The following SPATA21 variants were observed in gnomAD, a reference collection of about 807,000 sequenced individuals.
SPATA21 encodes the protein spermatogenesis associated 21.
In SPATA21, 47 loss-of-function variants were observed where a neutral mutation model predicts 54.8. That is an observed-to-expected ratio of 0.86 (90% CI 0.68 to 1.09). SPATA21 has a LOEUF of 1.09. Ranked by LOEUF, SPATA21 falls within the 50% of genes least tolerant of loss-of-function variation. The pLI is 0.00. For synonymous variants in SPATA21, 245 were observed against 235.3 expected, an observed-to-expected ratio of 1.04 and a Z score of -0.38; for missense variants, 599 against 596.4, an observed-to-expected ratio of 1.00 and a Z score of -0.05.
At chr1:16,422,170 T>TG in intron 3 of SPATA21, 199 bp from the exon 4 acceptor site, 1 of 1,443,282 alleles carries the variant, frequency 6.9e-7, no homozygotes, top group Non-Finnish European at 9.1e-7. Context: ...GCCTGGTGAC[T>TG]GGGGGTGGAT....
chr1:16,413,378 A>C (rs1345225221), intron 5 of SPATA21, among the ~76,000 whole-genome samples: 3 of 152,242 alleles, frequency 2.0e-5, no homozygotes, highest in African/African-American at 2.4e-5. Flanking sequence ...ATAATAGTCT[A>C]TTGTACGTAC....
At chr1:16,408,957 C>T (rs2085738790) in intron 7 of SPATA21, among the ~76,000 whole-genome samples, 161 bp downstream of exon 7, 1 of 152,050 alleles carries the variant, frequency 6.6e-6, no homozygotes, top group African/African-American at 2.4e-5. Flanking sequence ...CCCTACCCTG[C>T]CCTGCCCCAT....
Position 16,409,494 on chromosome 1 carries a change from G to A in SPATA21, c.587+107C>T. ...ACATGAGGAGAAATGGAGAGAGGGG[G>A]ACACACGAGGGAACAGGCAGGTGCA... On this transcript the variant is annotated intron_variant, in intron 6 of 12. Transcript: ENST00000335496. The surrounding 1 kb of genome is among the most constrained non-coding windows in gnomAD (Gnocchi z 4.1). 1 of 1,168,126 alleles carries A rather than the reference G, an allele frequency of 8.6e-7. No individual in the cohort carries two copies. The highest frequency in any genetic ancestry group is 1.5e-5 in the South Asian group (1 of 66,796). 72.4% of individuals were successfully genotyped at this position (1,168,126 alleles called of 1,614,324 possible).
At chr1:16,427,578 A>G (rs981099584) in intron 3 of SPATA21, among the ~76,000 whole-genome samples, 2 of 152,034 alleles carry the variant, frequency 1.3e-5, no homozygotes, top group African/African-American at 4.8e-5. Context: ...AACATTTACT[A>G]TGTGTCAGGC....
intron 5 of SPATA21, among the ~76,000 whole-genome samples, chr1:16,417,548 C>T (rs1486357033): frequency 6.6e-6 from 1 of 151,710 alleles, no homozygotes; most frequent in African/African-American, 2.4e-5. Flanking sequence ...AAGCGATTCT[C>T]TCTTGAATAG....
At chr1:16,396,111 G>A (rs915237840), downstream of SPATA21, 7 of 152,660 alleles carry the variant, frequency 4.6e-5, no homozygotes, top group African/African-American at 1.4e-4. Context: ...TAGAAGTGAC[G>A]GAGAGAAGAC....
At chr1:16,430,155 C>T (rs950223740) in intron 3 of SPATA21, among the ~76,000 whole-genome samples, 6 of 144,626 alleles carry the variant, frequency 4.1e-5, no homozygotes, top group South Asian at 4.4e-4. Flanking sequence ...ATGCCGGACA[C>T]GGAGGCTTAT....
At chr1:16,420,442 G>A (rs1004012987) in intron 5 of SPATA21, among the ~76,000 whole-genome samples, 3 of 151,658 alleles carry the variant, frequency 2.0e-5, no homozygotes, top group East Asian at 3.9e-4. Flanking sequence ...GCTTGAACCC[G>A]GGAGGTGGAG....
rs1412195673 is a variant in SPATA21, at chr1:16,400,668, A to G, written c.1174+52T>C. ...TCCAAGGAAAGGAGACCAGATGGGC[A>G]AGAGAGCAAAGCCCCAACCCTAGCC... is the stretch of plus-strand genomic sequence containing the variant. On this transcript the variant is annotated intron_variant, in intron 11 of 12. Coordinates refer to ENST00000335496, the MANE Select transcript of SPATA21 (RefSeq NM_198546.1). 1.0e-5 allele frequency: 16 copies of G among 1,547,614 alleles called. 1 individual carries two copies. In the South Asian group the frequency reaches 1.7e-4, roughly 17 times the overall value.
intron 3 of SPATA21, among the ~76,000 whole-genome samples, chr1:16,424,696 G>A (rs1183083359): frequency 6.6e-6 from 1 of 151,960 alleles, no homozygotes. Context: ...TTACAAGCAC[G>A]AGCCACGGCG....
At chr1:16,434,696 G>T (rs1030613569) in intron 1 of SPATA21, among the ~76,000 whole-genome samples, 26 of 152,072 alleles carry the variant, frequency 1.7e-4, no homozygotes, top group Non-Finnish European at 3.5e-4. Context: ...TATGTATATA[G>T]GAACGGAATT....
At chr1:16,427,825 C>G (rs2086360901) in intron 3 of SPATA21, 12 of 1,515,126 alleles carry the variant, frequency 7.9e-6, no homozygotes, top group Non-Finnish European at 1.1e-5. Context: ...ACAGGGGGTT[C>G]TCTCTTGGAC....
chr1:16,428,011 A>G lies in SPATA21; in HGVS notation c.34+3327T>C. ...GCCCACTTCCGAAGCATCCGGAAACATGACCTGGACAGAGATATCCATGGC... is the reference window on the plus strand; with the variant it reads ...GCCCACTTCCGAAGCATCCGGAAACGTGACCTGGACAGAGATATCCATGGC... On this transcript the variant is annotated intron_variant, in intron 3 of 12. Transcript: ENST00000335496. The surrounding 1 kb of genome is among the most constrained non-coding windows in gnomAD (Gnocchi z 4.3). 8 of 1,548,626 alleles carry G rather than the reference A, an allele frequency of 5.2e-6. No individual in the cohort carries two copies. Among genetic ancestry groups the G allele is most frequent in the Non-Finnish European group, 7.0e-6 (8 of 1,145,560 alleles).
chr1:16,401,599 T>C (rs1289269470), intron 10 of SPATA21, among the ~76,000 whole-genome samples: 1 of 152,242 alleles, frequency 6.6e-6, no homozygotes, highest in South Asian at 2.1e-4. Context: ...TTACCTATGA[T>C]TACCTATGAT....
At chr1:16,436,947 G>T (rs1034603768) in intron 1 of SPATA21, among the ~76,000 whole-genome samples, 181 bp downstream of exon 1, 1 of 152,094 alleles carries the variant, frequency 6.6e-6, no homozygotes, top group Non-Finnish European at 1.5e-5. Context: ...AAATTCTTTG[G>T]GTATTGAGTG....
intron 1 of SPATA21, among the ~76,000 whole-genome samples, 172 bp from the exon 2 acceptor site, chr1:16,433,096 T>A (rs1025382897): frequency 6.6e-6 from 1 of 152,260 alleles, no homozygotes; most frequent in Admixed American, 6.5e-5. Flanking sequence ...CATTTCCTTG[T>A]GCAATCGATA....
chr1:16,406,125 T>A (rs2100798824), intron 7 of SPATA21, among the ~76,000 whole-genome samples: 1 of 149,288 alleles, frequency 6.7e-6, no homozygotes, highest in Middle Eastern at 3.4e-3. Context: ...TTTCTTTTCT[T>A]TTTTTTTTTG....
chr1:16,425,806 C>A (rs965475487), intron 3 of SPATA21: 4 of 1,345,804 alleles, frequency 3.0e-6, no homozygotes, highest in Non-Finnish European at 3.0e-6. Context: ...CAGGGCTAGG[C>A]ATACCATAGG....
intron 3 of SPATA21, among the ~76,000 whole-genome samples, chr1:16,430,122 A>AG (rs2086422755): frequency 6.7e-6 from 1 of 148,882 alleles, no homozygotes; most frequent in Non-Finnish European, 1.5e-5. Flanking sequence ...CTCAAAAAAA[A>AG]AAAAAAAAAA....
Sources: allele counts gnomAD v4.1 joint callset (sites outside exome capture counted in the v4.1 genomes callset), GRCh38; gene constraint gnomAD v4.1.1; non-coding constraint Gnocchi (gnomAD v3.1); transcripts MANE v1.5; gene names NCBI Gene and HGNC (gene_info 2026-07-23, HGNC 2026-07-21).